MPPED1: variants seen among roughly 807,000 people sequenced by gnomAD.
The protein encoded by MPPED1 is metallophosphoesterase domain-containing protein 1.
MPPED1 carries 16 observed loss-of-function variants against 36.2 expected under a neutral mutation model. That is an observed-to-expected ratio of 0.44 (90% CI 0.30 to 0.67). The LOEUF is 0.67. Ranked by LOEUF, MPPED1 falls within the 30% of genes least tolerant of loss-of-function variation. The probability of loss-of-function intolerance (pLI) is 0.10; values close to 1 mark genes in which losing one functional copy is unlikely to be tolerated. For missense variants in MPPED1, 307 were observed against 453.4 expected (o/e 0.68, Z 2.93); for synonymous variants, 199 against 191.3 (o/e 1.04, Z -0.33).
chr22:43,413,737 T>C (rs1928986718), intron 1 of MPPED1, among the ~76,000 whole-genome samples: 2 of 152,216 alleles, frequency 1.3e-5, no homozygotes, highest in South Asian at 4.1e-4. Context: ...TTTCTGGAGA[T>C]GGATTTCGGT....
intron 3 of MPPED1, among the ~76,000 whole-genome samples, chr22:43,443,765 C>G (rs1341250230): frequency 6.6e-6 from 1 of 151,976 alleles, no homozygotes; most frequent in Non-Finnish European, 1.5e-5. Flanking sequence ...TTGCTACGGC[C>G]TGATTCAGAC....
At chr22:43,491,197 C>T (rs946832338) in intron 4 of MPPED1, among the ~76,000 whole-genome samples, 5 of 152,042 alleles carry the variant, frequency 3.3e-5, no homozygotes, top group Admixed American at 1.3e-4. Context: ...ATTCAGGCTC[C>T]GTGGGTGAGT....
intron 2 of MPPED1, among the ~76,000 whole-genome samples, chr22:43,426,583 C>T (rs1316448914): frequency 2.0e-5 from 3 of 152,184 alleles, no homozygotes; most frequent in South Asian, 2.1e-4. Flanking sequence ...AAGGAGTTGA[C>T]GGGGTTTCGA....
At position 43,434,637 on chromosome 22, in the gene MPPED1, G is replaced by C. The variant is rs372334524; in HGVS notation, c.225-397G>C. ...AGCTTCATGGGAGGGAAGTGAGTAG[G>C]GGAAAATAAAAGACATCTTGAAGAG... On this transcript the variant is annotated intron_variant, in intron 2 of 6. Coordinates refer to ENST00000443721, the MANE Select transcript of MPPED1 (RefSeq NM_001044370.2). Among the ~76,000 whole-genome samples the C allele has an allele frequency of 3.9e-5, 6 of 152,326 alleles. No homozygotes were observed. In the East Asian group the frequency reaches 1.2e-3, roughly 29 times the overall value.
chr22:43,495,489 AGGTAGTGGTGGTGGAGGTGG>A (rs1569088625), intron 4 of MPPED1, among the ~76,000 whole-genome samples: 1 of 10,480 alleles, frequency 9.5e-5, no homozygotes, highest in Non-Finnish European at 1.5e-4. Flanking sequence ...GTGGTGGTGG[AGGTAGTGGTGGTGGAGGTGG>A]TGGTGGTGGT....
chr22:43,481,131 A>G (rs1931735866), intron 4 of MPPED1, among the ~76,000 whole-genome samples: 1 of 152,102 alleles, frequency 6.6e-6, no homozygotes, highest in African/African-American at 2.4e-5. Context: ...CCCTGTTTCT[A>G]TATTGTCTTC....
intron 3 of MPPED1, among the ~76,000 whole-genome samples, chr22:43,439,835 G>A (rs752947703): frequency 7.9e-5 from 12 of 152,252 alleles, no homozygotes; most frequent in South Asian, 4.1e-4. Context: ...CTCCTCACTC[G>A]TAGAATAAGC....
At chr22:43,432,521 G>GGA (rs1328852487) in intron 2 of MPPED1, among the ~76,000 whole-genome samples, 2 of 114,198 alleles carry the variant, frequency 1.8e-5, no homozygotes. Context: ...GAGAAAGGGA[G>GGA]GAGAGAGATA....
intron 5 of MPPED1, among the ~76,000 whole-genome samples, chr22:43,499,602 G>A (rs1932565186): frequency 1.0e-5 from 1 of 97,812 alleles, no homozygotes; most frequent in Non-Finnish European, 2.1e-5. Flanking sequence ...AGTGGAGGTG[G>A]TGGTGGTGGT....
intron 3 of MPPED1, among the ~76,000 whole-genome samples, chr22:43,446,661 G>T (rs1296498889): frequency 6.6e-6 from 1 of 152,196 alleles, no homozygotes; most frequent in South Asian, 2.1e-4. Context: ...TCATGCAGGA[G>T]GTGGCAAGTG....
chr22:43,417,819 C>T (rs2146810932), intron 1 of MPPED1: 1 of 299,150 alleles, frequency 3.3e-6, no homozygotes, highest in Non-Finnish European at 6.6e-6. Context: ...GCTGTCCCAT[C>T]AGAGAGGCTG....
At chr22:43,419,649 G>A (rs907151763) in intron 1 of MPPED1, among the ~76,000 whole-genome samples, 1 of 151,952 alleles carries the variant, frequency 6.6e-6, no homozygotes, top group South Asian at 2.1e-4. Context: ...ACGGGCAGAG[G>A]TGAGTTCTAG....
At chr22:43,439,222 C>T (rs796244790) in intron 3 of MPPED1, among the ~76,000 whole-genome samples, 13 of 152,140 alleles carry the variant, frequency 8.5e-5, no homozygotes, top group African/African-American at 2.7e-4. Context: ...GGGAGGGGGA[C>T]GGGTTGGGAT....
intron 3 of MPPED1, among the ~76,000 whole-genome samples, chr22:43,451,332 T>TA (rs1464673038): frequency 6.6e-6 from 1 of 152,242 alleles, no homozygotes; most frequent in Non-Finnish European, 1.5e-5. Context: ...CTACTATTAA[T>TA]ATCATCCAAA....
chr22:43,489,840 A>G (rs1485508396), intron 4 of MPPED1, among the ~76,000 whole-genome samples: 1 of 152,142 alleles, frequency 6.6e-6, no homozygotes, highest in African/African-American at 2.4e-5. Context: ...ACATTCTAAT[A>G]AAAGCTGGAA....
intron 3 of MPPED1, among the ~76,000 whole-genome samples, chr22:43,456,864 G>A (rs1460891361): frequency 6.6e-6 from 1 of 152,202 alleles, no homozygotes; most frequent in Non-Finnish European, 1.5e-5. Context: ...TGTGCCTGTT[G>A]AGATGATCAT....
intron 3 of MPPED1, among the ~76,000 whole-genome samples, chr22:43,437,210 A>C (rs1260176575): frequency 6.6e-6 from 1 of 152,142 alleles, no homozygotes; most frequent in African/African-American, 2.4e-5. Context: ...AGGTCCCCAG[A>C]GTTTGGTGAT....
At chr22:43,484,063 C>T (rs908411075) in intron 4 of MPPED1, among the ~76,000 whole-genome samples, 2 of 152,248 alleles carry the variant, frequency 1.3e-5, no homozygotes, top group African/African-American at 2.4e-5. Flanking sequence ...AGGACTATGT[C>T]GCCTGGTTGC....
chr22:43,489,447 C>T (rs1054023745), intron 4 of MPPED1, among the ~76,000 whole-genome samples: 7 of 152,060 alleles, frequency 4.6e-5, no homozygotes, highest in Non-Finnish European at 8.8e-5. Context: ...GATGGTGCTC[C>T]CCAGCGAGCA....
Sources: gnomAD v4.1 joint callset for allele counts (sites outside exome capture counted in the v4.1 genomes callset) on GRCh38, gnomAD v4.1.1 for gene constraint, MANE v1.5 for transcripts, NCBI Gene and HGNC (gene_info 2026-07-23, HGNC 2026-07-21) for gene names.